The following CDCA7L variants were observed in gnomAD, a reference collection of about 807,000 sequenced individuals.
CDCA7L encodes the protein cell division cycle-associated 7-like protein.
A neutral mutation model predicts 57.4 loss-of-function variants in CDCA7L; 44 were observed. That is an observed-to-expected ratio of 0.77 (90% CI 0.60 to 0.98). The LOEUF (loss-of-function observed/expected upper bound fraction) is 0.98, where lower values mean the gene tolerates loss of function less well. CDCA7L is among the 50% of genes least tolerant of loss of function. CDCA7L has a pLI of 0.00. For missense variants in CDCA7L, 644 were observed against 580.6 expected, an observed-to-expected ratio of 1.11 and a Z score of -1.12; for synonymous variants, 236 against 202.8, an observed-to-expected ratio of 1.16 and a Z score of -1.39.
intron 1 of CDCA7L, among the ~76,000 whole-genome samples, chr7:21,929,507 C>T (rs9655217): frequency 0.52 from 79,039 of 151,540 alleles, 21,308 homozygotes; most frequent in East Asian, 0.7. Flanking sequence ...AGACACAGAC[C>T]GGCAAATTGG....
In CDCA7L at chr7:21,933,649, G is replaced by A. The variant is rs573931616; in HGVS notation, c.24+12132C>T. 6.6e-5 allele frequency among the ~76,000 whole-genome samples: 10 copies of A among 152,234 alleles called. No individual in the cohort carries two copies. In the East Asian group the frequency reaches 9.7e-4, roughly 15 times the overall value. On this transcript the variant is annotated intron_variant, in intron 1 of 9. Transcript: ENST00000406877. The stretch of plus-strand genomic sequence containing the variant: ...AGAGGAACATCACACACTGGGGCCC[G>A]TCGGGGTTGGGGGACTAGAGGAGGG...
chr7:21,918,899 T>C (rs1182449981), intron 1 of CDCA7L, among the ~76,000 whole-genome samples: 1 of 152,234 alleles, frequency 6.6e-6, no homozygotes, highest in East Asian at 1.9e-4. Flanking sequence ...ATAAGGAATA[T>C]GCAGAGTGAG....
chr7:21,943,570 G>A (rs772620927), intron 1 of CDCA7L, among the ~76,000 whole-genome samples: 28 of 152,192 alleles, frequency 1.8e-4, no homozygotes, highest in Non-Finnish European at 3.8e-4. Context: ...TTCATTAAGT[G>A]TTCTTATCCG....
intron 1 of CDCA7L, among the ~76,000 whole-genome samples, chr7:21,924,710 A>C (rs1167317783): frequency 6.6e-6 from 1 of 152,220 alleles, no homozygotes; most frequent in Non-Finnish European, 1.5e-5. Flanking sequence ...ACAACACCAG[A>C]TACAACACAA....
chr7:21,904,965 C>G (rs1256167843), intron 7 of CDCA7L, among the ~76,000 whole-genome samples: 1 of 152,218 alleles, frequency 6.6e-6, no homozygotes, highest in East Asian at 1.9e-4. Flanking sequence ...CCCAGCCTAG[C>G]TCTGCAGACC....
At chr7:21,945,669 C>G in intron 1 of CDCA7L, 112 bp downstream of exon 1, 1 of 1,364,758 alleles carries the variant, frequency 7.3e-7, no homozygotes, top group South Asian at 1.2e-5. Context: ...CGCCAGATCC[C>G]CAGTGCCGCA....
intron 3 of CDCA7L, among the ~76,000 whole-genome samples, chr7:21,909,413 CG>C (rs1296874620): frequency 6.6e-6 from 1 of 152,014 alleles, no homozygotes; most frequent in Non-Finnish European, 1.5e-5. Context: ...ACCAAGAACA[CG>C]GAATGGCACC....
chr7:21,923,600 A>T (rs1413143178), intron 1 of CDCA7L, among the ~76,000 whole-genome samples: 1 of 152,202 alleles, frequency 6.6e-6, no homozygotes. Flanking sequence ...ACCTTAGCCT[A>T]GTTTTAATGG....
rs893169520 is a variant in CDCA7L, at chr7:21,903,209, T to TCCAA, written c.1198-99_1198-96dup. On this transcript the variant is annotated intron_variant, in intron 8 of 9. Transcript: ENST00000406877. ...CCAGAATGGCTCAGCTGGCCTCTCC[T>TCCAA]CCAACCTTTAATCACATGGCATCTT... The TCCAA allele has an allele frequency of 1.9e-5, 23 of 1,220,370 alleles. No homozygotes were observed. The Admixed American group carries it at 3.3e-4, about 18-fold the overall frequency. The allele number at this position is 1,220,370 out of a possible 1,614,324, so 75.6% of individuals were successfully genotyped here.
intron 7 of CDCA7L, 84 bp from the exon 8 acceptor site, chr7:21,904,343 G>A (rs764012163): frequency 6.0e-6 from 8 of 1,332,436 alleles, no homozygotes; most frequent in South Asian, 1.6e-5. Context: ...GCATTTCCAA[G>A]TATATGAAGA....
chr7:21,945,650 G>C (rs1384725429), intron 1 of CDCA7L, 131 bp downstream of exon 1: 11 of 1,172,092 alleles, frequency 9.4e-6, no homozygotes, highest in African/African-American at 3.2e-5. Flanking sequence ...GCACTCAACC[G>C]GCTGGGCGCG....
At position 21,916,871 on chromosome 7, in the gene CDCA7L, G is replaced by A. The variant is rs201673891; in HGVS notation, c.48C>T (p.Ile16=). 66 of 1,614,132 alleles carry A rather than the reference G, an allele frequency of 4.1e-5. No individual in the cohort carries two copies. The highest frequency in any genetic ancestry group is 3.8e-4 in the East Asian group (17 of 44,870). Residue 16 remains isoleucine, a synonymous_variant, in exon 2 of 10, where the codon ATC becomes ATT. Transcript: ENST00000406877. The part of the protein sequence containing the change: ...RYQIPKEVAD[I]FNAPSDDEEF... ...CTTCATCATCACTGGGGGCGTTAAAGATGTCAGCCACTTCTTTAGGGATCT... is the reference window on the plus strand; with the variant it reads ...CTTCATCATCACTGGGGGCGTTAAAAATGTCAGCCACTTCTTTAGGGATCT...
At chr7:21,930,403 G>T (rs1194238965) in intron 1 of CDCA7L, among the ~76,000 whole-genome samples, 1 of 152,086 alleles carries the variant, frequency 6.6e-6, no homozygotes, top group Admixed American at 6.6e-5. Context: ...ACAATTAAAA[G>T]AACTAGAGAG....
rs949665200 is a variant in CDCA7L at position 21,902,195 on chromosome 7, T to C, written c.*127A>G. Reference sequence around the variant, plus strand: ...CATATAAACAATCTTTAACAAAAAATAGTAATTTCTACAAAGAATTTCTGT... The same window carrying C: ...CATATAAACAATCTTTAACAAAAAACAGTAATTTCTACAAAGAATTTCTGT... On this transcript the variant is annotated 3_prime_UTR_variant, in exon 10 of 10. Coordinates refer to ENST00000406877, the MANE Select transcript of CDCA7L (RefSeq NM_018719.5). The C allele has an allele frequency of 2.1e-5, 19 of 916,692 alleles. No homozygotes were observed. Among genetic ancestry groups the C allele is most frequent in the Middle Eastern group, 2.2e-4 (1 of 4,574 alleles). The allele number at this position is 916,692 out of a possible 1,614,324, so 56.8% of individuals were successfully genotyped here.
At chr7:21,902,655 C>T in intron 9 of CDCA7L, 1 of 503,952 alleles carries the variant, frequency 2.0e-6, no homozygotes, top group South Asian at 2.7e-5. Context: ...AGGATTATGG[C>T]TGCCTCTTCA....
At chr7:21,921,510 T>G (rs945847982) in intron 1 of CDCA7L, among the ~76,000 whole-genome samples, 1 of 151,966 alleles carries the variant, frequency 6.6e-6, no homozygotes, top group Admixed American at 6.6e-5. Context: ...AGTGATACAT[T>G]AGGCCCAAGG....
At chr7:21,905,227 A>C (rs535939171) in intron 7 of CDCA7L, among the ~76,000 whole-genome samples, 1 of 86,014 alleles carries the variant, frequency 1.2e-5, no homozygotes, top group Admixed American at 1.0e-4. Flanking sequence ...TATATGCTTA[A>C]ACCATTAACA....
At chr7:21,902,518 TAGTACGCCCCAAGC>T in intron 9 of CDCA7L, 166 bp from the exon 10 acceptor site, 1 of 659,704 alleles carries the variant, frequency 1.5e-6, no homozygotes, top group Non-Finnish European at 2.7e-6. Context: ...CCCTCTGGTG[TAGTACGCCCCAAGC>T]ATGACTTGCC....
At chr7:21,944,497 G>A (rs1008509081) in intron 1 of CDCA7L, among the ~76,000 whole-genome samples, 1 of 127,946 alleles carries the variant, frequency 7.8e-6, no homozygotes, top group African/African-American at 3.0e-5. Flanking sequence ...GTAAAAGCCA[G>A]TGGCAAAAAA....
Sources: allele counts gnomAD v4.1 joint callset (sites outside exome capture counted in the v4.1 genomes callset), GRCh38; gene constraint gnomAD v4.1.1; transcripts MANE v1.5; gene names NCBI Gene and HGNC (gene_info 2026-07-23, HGNC 2026-07-21).